Variants in GLRX3 observed in about 807,000 individuals in gnomAD.
GLRX3 encodes the protein glutaredoxin-3.
Under a neutral mutation model 49.5 loss-of-function variants are expected in GLRX3, and 22 were observed. The observed-to-expected ratio is 0.44, with a 90% CI of 0.32 to 0.63. The LOEUF is 0.63. GLRX3 is among the 30% of genes least tolerant of loss of function. The probability of loss-of-function intolerance (pLI) is 0.05; values close to 1 mark genes in which losing one functional copy is unlikely to be tolerated. For synonymous variants in GLRX3, 133 were observed against 140.0 expected (o/e 0.95, Z 0.35); for missense variants, 385 against 396.3 (o/e 0.97, Z 0.24).
intron 7 of GLRX3, among the ~76,000 whole-genome samples, chr10:130,170,367 A>G (rs1182883829): frequency 6.6e-6 from 1 of 152,234 alleles, no homozygotes; most frequent in East Asian, 1.9e-4. Context: ...ACAATACTTC[A>G]CAGGGCAGAC....
Position 130,165,322 on chromosome 10 carries a change from T to C in GLRX3, c.479-1185T>C, listed in dbSNP as rs113977077. 8.2e-3 allele frequency among the ~76,000 whole-genome samples: 1,236 copies of C among 151,636 alleles called. 8 individuals carry two copies. The highest frequency in any genetic ancestry group is 0.013 in the Non-Finnish European group (896 of 67,860). On this transcript the variant is annotated intron_variant, in intron 4 of 10. Coordinates refer to ENST00000331244, the MANE Select transcript of GLRX3 (RefSeq NM_006541.5). Reference sequence around the variant, plus strand: ...AATTAGCTTATGGAAAGAAAAATACTTTTTTTTTCAGACTAGGCTAATAGG... The same window carrying C: ...AATTAGCTTATGGAAAGAAAAATACCTTTTTTTTCAGACTAGGCTAATAGG...
intron 2 of GLRX3, among the ~76,000 whole-genome samples, chr10:130,157,728 C>T (rs577275738): frequency 8.5e-4 from 130 of 152,052 alleles, no homozygotes; most frequent in African/African-American, 2.7e-3. Flanking sequence ...GCTAAAATTT[C>T]GCACCTTTCA....
At position 130,148,433 on chromosome 10, in the gene GLRX3, C is replaced by CTTTTTTT. The variant is rs57482969; in HGVS notation, c.201+3135_201+3141dup. ...GATGTGAGCCACTTTGCCCTTCAGT[C>CTTTTTTT]TTTTTTTTTTTTTTTTTTTTTTTTT... On this transcript the variant is annotated intron_variant, in intron 2 of 10. Coordinates refer to ENST00000331244, the MANE Select transcript of GLRX3 (RefSeq NM_006541.5). 2.7e-4 allele frequency among the ~76,000 whole-genome samples: 19 copies of CTTTTTTT among 70,576 alleles called. 2 individuals carry two copies. Among genetic ancestry groups the CTTTTTTT allele is most frequent in the African/African-American group, 3.4e-4 (6 of 17,702 alleles). 46.3% of individuals were successfully genotyped at this position (70,576 alleles called of 152,430 possible).
At chr10:130,171,121 AAAAT>A (rs371772527) in intron 7 of GLRX3, among the ~76,000 whole-genome samples, 29 of 151,372 alleles carry the variant, frequency 1.9e-4, no homozygotes, top group East Asian at 1.2e-3. Flanking sequence ...TCTGTCTCAA[AAAAT>A]AAATAAATAA....
intron 4 of GLRX3, among the ~76,000 whole-genome samples, chr10:130,163,475 T>C (rs969085365): frequency 1.3e-5 from 2 of 152,222 alleles, no homozygotes; most frequent in Non-Finnish European, 2.9e-5. Flanking sequence ...ATTATAGTTA[T>C]TTAATTAATA....
intron 2 of GLRX3, among the ~76,000 whole-genome samples, chr10:130,157,270 G>A (rs1026117190): frequency 6.6e-6 from 1 of 151,316 alleles, no homozygotes; most frequent in Non-Finnish European, 1.5e-5. Context: ...GCAGTCTAAC[G>A]GCTGGAGAAT....
chr10:130,174,738 A>G (rs753267941), intron 8 of GLRX3, 129 bp from the exon 9 acceptor site: 1 of 670,284 alleles, frequency 1.5e-6, no homozygotes, highest in Non-Finnish European at 2.7e-6. Flanking sequence ...AATCATTTCC[A>G]TTGGTCTGTA....
Position 130,166,601 on chromosome 10 carries a change from C to G in GLRX3, c.573C>G (p.Leu191=). 6.2e-7 allele frequency: 1 copy of G among 1,609,840 alleles called. No individual in the cohort carries two copies. Among genetic ancestry groups the G allele is most frequent in the Non-Finnish European group, 8.5e-7 (1 of 1,176,074 alleles). The change falls in exon 5 of 11, where the codon CTC becomes CTG. Residue 191 remains leucine, a synonymous_variant. Coordinates refer to ENST00000331244, the MANE Select transcript of GLRX3 (RefSeq NM_006541.5). ...CAGATGAAGAGGTTCGACAGGGACT[C>G]AAAGCCTATTCCAGTTGGCCTACCT... ...IFSDEEVRQG[L]KAYSSWPTYP...
intron 4 of GLRX3, among the ~76,000 whole-genome samples, chr10:130,164,979 T>C (rs1049484650): frequency 2.6e-5 from 4 of 152,370 alleles, no homozygotes; most frequent in Middle Eastern, 3.4e-3. Context: ...AAGCAACTTA[T>C]ATGCTATACA....
At chr10:130,174,960 T>C in intron 9 of GLRX3, 37 bp from the exon 10 acceptor site, 1 of 1,564,816 alleles carries the variant, frequency 6.4e-7, no homozygotes, top group East Asian at 2.2e-5. Flanking sequence ...CTTAAGGGCC[T>C]GATAGGATGG....
chr10:130,144,116 G>C (rs750504914), intron 1 of GLRX3, among the ~76,000 whole-genome samples: 18 of 152,082 alleles, frequency 1.2e-4, no homozygotes, highest in Non-Finnish European at 1.0e-4. Flanking sequence ...ACTTACTGCT[G>C]TTTCTATGGT....
chr10:130,175,774 G>A (rs1052182008), intron 10 of GLRX3, among the ~76,000 whole-genome samples: 2 of 152,224 alleles, frequency 1.3e-5, no homozygotes, highest in African/African-American at 4.8e-5. Context: ...TGTGTGCTCT[G>A]TAGCTCTTTG....
intron 2 of GLRX3, among the ~76,000 whole-genome samples, chr10:130,158,733 T>C (rs890360149): frequency 6.6e-6 from 1 of 150,990 alleles, no homozygotes; most frequent in Non-Finnish European, 1.5e-5. Context: ...TTAAAACTTT[T>C]GAGAGTCTGT....
intron 4 of GLRX3, among the ~76,000 whole-genome samples, chr10:130,165,730 C>T (rs1862671074): frequency 6.6e-6 from 1 of 152,154 alleles, no homozygotes; most frequent in Non-Finnish European, 1.5e-5. Context: ...GAAGTGGGAA[C>T]TCAGGAAGTA....
intron 2 of GLRX3, among the ~76,000 whole-genome samples, chr10:130,154,671 G>T (rs1469225270): frequency 6.6e-6 from 1 of 151,852 alleles, no homozygotes; most frequent in Non-Finnish European, 1.5e-5. Flanking sequence ...CCTTAGTCTT[G>T]CAGCTCAGTG....
chr10:130,161,747 A>T (rs1415510388), intron 4 of GLRX3, among the ~76,000 whole-genome samples: 1 of 152,172 alleles, frequency 6.6e-6, no homozygotes, highest in East Asian at 1.9e-4. Context: ...CCATTTGATG[A>T]TGCTGTTGAG....
intron 2 of GLRX3, among the ~76,000 whole-genome samples, chr10:130,152,014 T>C (rs1862386090): frequency 6.6e-6 from 1 of 152,062 alleles, no homozygotes; most frequent in African/African-American, 2.4e-5. Context: ...GTTAATTTTG[T>C]TGTGTGTGAA....
chr10:130,167,011 A>G, intron 6 of GLRX3, 31 bp downstream of exon 6: 5 of 1,126,138 alleles, frequency 4.4e-6, no homozygotes, highest in South Asian at 2.9e-5. Context: ...CAAATAGCCT[A>G]TCATTTAATA....
At chr10:130,167,632 A>G (rs1229375301) in intron 6 of GLRX3, among the ~76,000 whole-genome samples, 3 of 152,246 alleles carry the variant, frequency 2.0e-5, no homozygotes, top group Admixed American at 6.5e-5. Flanking sequence ...GGAATTTATT[A>G]TATCAGCAAT....
Sources: allele counts gnomAD v4.1 joint callset (sites outside exome capture counted in the v4.1 genomes callset), GRCh38; gene constraint gnomAD v4.1.1; transcripts MANE v1.5; gene names NCBI Gene and HGNC (gene_info 2026-07-23, HGNC 2026-07-21).